The following CSTPP1 variants were observed in gnomAD, a reference collection of about 807,000 sequenced individuals.
The protein encoded by CSTPP1 is centriolar satellite-associated tubulin polyglutamylase complex regulator 1.
the CSTPP1 span, among the ~76,000 whole-genome samples, chr11:47,031,818 G>A: frequency 6.6e-6 from 1 of 151,762 alleles, no homozygotes; most frequent in South Asian, 2.1e-4. Flanking sequence ...ATAAAGGGGA[G>A]TTTACTAAGT....
At chr11:46,954,296 C>T in the CSTPP1 span, among the ~76,000 whole-genome samples, 1 of 152,138 alleles carries the variant, frequency 6.6e-6, no homozygotes, top group African/African-American at 2.4e-5. Flanking sequence ...TGCCTATAAT[C>T]CTAGCACGTT....
the CSTPP1 span, among the ~76,000 whole-genome samples, chr11:47,077,874 A>G: frequency 6.6e-6 from 1 of 152,234 alleles, no homozygotes; most frequent in African/African-American, 2.4e-5. Context: ...CAGTTGAAGA[A>G]GCACTGATTA....
the CSTPP1 span, among the ~76,000 whole-genome samples, chr11:47,018,491 C>T: frequency 6.6e-6 from 1 of 151,924 alleles, no homozygotes; most frequent in Non-Finnish European, 1.5e-5. Flanking sequence ...TACGGGGTTT[C>T]ACCATCTTGG....
At chr11:47,033,567 T>C in the CSTPP1 span, among the ~76,000 whole-genome samples, 17 of 152,194 alleles carry the variant, frequency 1.1e-4, no homozygotes, top group Non-Finnish European at 2.9e-5. Flanking sequence ...TCCCCCACCT[T>C]CTTTGCCATA....
chr11:46,973,780 ATGTG>A, the CSTPP1 span, among the ~76,000 whole-genome samples: 1 of 150,588 alleles, frequency 6.6e-6, no homozygotes, highest in Non-Finnish European at 1.5e-5. Flanking sequence ...TGGAGGGTGT[ATGTG>A]TGTGTGTGTG....
the CSTPP1 span, among the ~76,000 whole-genome samples, chr11:46,957,519 C>T: frequency 6.6e-6 from 1 of 152,160 alleles, no homozygotes; most frequent in African/African-American, 2.4e-5. Flanking sequence ...ATTTTTAAAG[C>T]ATTTCTCCCC....
the CSTPP1 span, among the ~76,000 whole-genome samples, chr11:46,952,296 G>A: frequency 6.6e-6 from 1 of 152,222 alleles, no homozygotes; most frequent in African/African-American, 2.4e-5. Flanking sequence ...GGGAAACAGT[G>A]AATCCAGGGC....
At chr11:46,998,928 G>T in the CSTPP1 span, among the ~76,000 whole-genome samples, 1 of 151,978 alleles carries the variant, frequency 6.6e-6, no homozygotes, top group Non-Finnish European at 1.5e-5. Flanking sequence ...TTTTAGTAGA[G>T]AGGGGGCTTC....
At chr11:47,094,028 G>A in the CSTPP1 span, among the ~76,000 whole-genome samples, 1 of 152,182 alleles carries the variant, frequency 6.6e-6, no homozygotes, top group Non-Finnish European at 1.5e-5. Flanking sequence ...TACTTATTCT[G>A]TGTGGTCCCA....
chr11:46,955,042 A>C, the CSTPP1 span, among the ~76,000 whole-genome samples: 1 of 152,236 alleles, frequency 6.6e-6, no homozygotes, highest in Non-Finnish European at 1.5e-5. Context: ...GGAAAAAAAC[A>C]GACAGGTACA....
the CSTPP1 span, among the ~76,000 whole-genome samples, chr11:46,939,676 G>GATAGA: frequency 0.015 from 1,458 of 97,996 alleles, 14 homozygotes; most frequent in Middle Eastern, 0.047. Context: ...AGATAGATAG[G>GATAGA]TAGATGTTTT....
the CSTPP1 span, chr11:47,155,668 T>C: frequency 1.3e-4 from 28 of 209,652 alleles, 1 homozygote; most frequent in Middle Eastern, 4.0e-3. Context: ...ACAGAAGTAG[T>C]AGCCAGTCAT....
At chr11:47,015,731 C>CA in the CSTPP1 span, among the ~76,000 whole-genome samples, 1 of 151,800 alleles carries the variant, frequency 6.6e-6, no homozygotes, top group Non-Finnish European at 1.5e-5. Context: ...TTCCTTGTCA[C>CA]AAAAATTCTT....
At chr11:47,036,484 CA>C in the CSTPP1 span, among the ~76,000 whole-genome samples, 2 of 118,758 alleles carry the variant, frequency 1.7e-5, no homozygotes, top group African/African-American at 5.2e-5. Context: ...TTCTTTTTCA[CA>C]GAGGAATGGG....
the CSTPP1 span, among the ~76,000 whole-genome samples, chr11:47,152,024 C>T: frequency 4.9e-3 from 748 of 152,080 alleles, 5 homozygotes; most frequent in African/African-American, 0.017. Context: ...CCTCTATAGG[C>T]GGATCACTTG....
At chr11:47,080,973 C>T in the CSTPP1 span, among the ~76,000 whole-genome samples, 1 of 148,120 alleles carries the variant, frequency 6.8e-6, no homozygotes, top group Non-Finnish European at 1.5e-5. Context: ...CAGACCACTG[C>T]ACTCCAGCCT....
At chr11:46,951,840 CCACT>C in the CSTPP1 span, among the ~76,000 whole-genome samples, 1 of 152,018 alleles carries the variant, frequency 6.6e-6, no homozygotes, top group South Asian at 2.1e-4. Flanking sequence ...GGTTTAGGTG[CCACT>C]CAGTGTTAAA....
the CSTPP1 span, among the ~76,000 whole-genome samples, chr11:46,950,757 G>A: frequency 2.6e-5 from 4 of 151,878 alleles, no homozygotes; most frequent in Admixed American, 6.6e-5. Flanking sequence ...GATTATAGGC[G>A]CCTGCTATCA....
At chr11:46,994,654 G>T in the CSTPP1 span, among the ~76,000 whole-genome samples, 1 of 152,168 alleles carries the variant, frequency 6.6e-6, no homozygotes, top group African/African-American at 2.4e-5. Flanking sequence ...TAAGCTTTTT[G>T]ATGTACTGCT....
Sources: allele counts gnomAD v4.1 joint callset (sites outside exome capture counted in the v4.1 genomes callset), GRCh38; gene constraint gnomAD v4.1.1; transcripts MANE v1.5; gene names NCBI Gene and HGNC (gene_info 2026-07-23, HGNC 2026-07-21).